The following GRIK1 variants were observed in gnomAD, a reference collection of about 807,000 sequenced individuals.
The protein encoded by GRIK1 is glutamate ionotropic receptor kainate type subunit 1, also known as glutamate receptor ionotropic, kainate 1.
GRIK1 carries 69 observed loss-of-function variants against 105.7 expected under a neutral mutation model. The observed-to-expected ratio is 0.65, with a 90% CI of 0.54 to 0.80. GRIK1 has a LOEUF of 0.80. Ranked by LOEUF, GRIK1 falls within the 30% of genes least tolerant of loss-of-function variation. The pLI, the probability that GRIK1 is intolerant of heterozygous loss-of-function variation, is 0.00. For missense variants in GRIK1, 1,109 were observed against 1,167.3 expected, an observed-to-expected ratio of 0.95 and a Z score of 0.73; for synonymous variants, 438 against 431.3, an observed-to-expected ratio of 1.02 and a Z score of -0.19.
intron 1 of GRIK1, among the ~76,000 whole-genome samples, chr21:29,744,338 T>C (rs2065000286): frequency 6.6e-6 from 1 of 152,212 alleles, no homozygotes; most frequent in South Asian, 2.1e-4. Flanking sequence ...TCCCACTCTC[T>C]AGAGATTTCT....
At chr21:29,916,664 G>C (rs1434650935) in intron 1 of GRIK1, among the ~76,000 whole-genome samples, 1 of 148,358 alleles carries the variant, frequency 6.7e-6, no homozygotes, top group Admixed American at 6.6e-5. Context: ...CAGTTCTCTT[G>C]ATAGTAATTC....
chr21:29,877,934 A>G (rs1012606133), intron 1 of GRIK1, among the ~76,000 whole-genome samples: 2 of 152,186 alleles, frequency 1.3e-5, no homozygotes, highest in African/African-American at 4.8e-5. Context: ...CAATGAAAAA[A>G]CACGATAAAA....
intron 13 of GRIK1, among the ~76,000 whole-genome samples, chr21:29,577,693 G>T (rs2090928443): frequency 6.6e-6 from 1 of 152,174 alleles, no homozygotes; most frequent in African/African-American, 2.4e-5. Context: ...ATAAGATGCA[G>T]CCATACTTGA....
intron 4 of GRIK1, among the ~76,000 whole-genome samples, chr21:29,655,990 A>C (rs2062839902): frequency 6.6e-6 from 1 of 152,168 alleles, no homozygotes; most frequent in African/African-American, 2.4e-5. Flanking sequence ...GAATAAGGAT[A>C]TTCCTTTCCT....
At chr21:29,870,227 C>T (rs1362493692) in intron 1 of GRIK1, among the ~76,000 whole-genome samples, 2 of 151,744 alleles carry the variant, frequency 1.3e-5, no homozygotes, top group Non-Finnish European at 2.9e-5. Context: ...ATATCCATTC[C>T]CTCTGTTAGA....
intron 12 of GRIK1, among the ~76,000 whole-genome samples, chr21:29,583,668 C>T (rs754918309): frequency 7.2e-5 from 11 of 152,186 alleles, no homozygotes; most frequent in Non-Finnish European, 1.3e-4. Context: ...CAATGTGATT[C>T]TGCCTGCTCT....
rs542633953 is a variant in GRIK1, at chr21:29,578,909, TAAC to T, written c.1913-1731_1913-1729del. Among the ~76,000 whole-genome samples the T allele has an allele frequency of 3.8e-3, 579 of 152,304 alleles. 3 individuals carry two copies. Among genetic ancestry groups the T allele is most frequent in the African/African-American group, 0.013 (549 of 41,580 alleles). ...TCATAAAATAGCCATAGGAAATAAATAACAATTAATAGATATATTTTTCTTAGC... is the reference window on the plus strand; with the variant it reads ...TCATAAAATAGCCATAGGAAATAAATAATTAATAGATATATTTTTCTTAGC... On this transcript the variant is annotated intron_variant, in intron 13 of 17. Transcript: ENST00000327783.
At chr21:29,693,113 C>T (rs1023323605) in intron 2 of GRIK1, among the ~76,000 whole-genome samples, 1 of 152,074 alleles carries the variant, frequency 6.6e-6, no homozygotes, top group Non-Finnish European at 1.5e-5. Context: ...AGGCAAAGAA[C>T]CCCCCCAATC....
intron 1 of GRIK1, among the ~76,000 whole-genome samples, chr21:29,902,582 A>T (rs374688797): frequency 2.0e-5 from 3 of 152,218 alleles, no homozygotes; most frequent in Admixed American, 2.0e-4. Flanking sequence ...AATACAACTT[A>T]CAAGAGATGT....
intron 1 of GRIK1, among the ~76,000 whole-genome samples, chr21:29,854,402 C>A (rs1020130829): frequency 6.6e-6 from 1 of 151,868 alleles, no homozygotes; most frequent in African/African-American, 2.4e-5. Flanking sequence ...TTGGAGGGGA[C>A]AAATATCCAA....
chr21:29,788,893 T>C, intron 1 of GRIK1, among the ~76,000 whole-genome samples: 1 of 152,096 alleles, frequency 6.6e-6, no homozygotes. Context: ...GCTCAGGTGG[T>C]AATGTGAGAA....
intron 1 of GRIK1, among the ~76,000 whole-genome samples, chr21:29,870,199 AT>A (rs1466697451): frequency 1.3e-5 from 2 of 152,136 alleles, no homozygotes; most frequent in African/African-American, 4.8e-5. Flanking sequence ...GATTACATTT[AT>A]ATATCATGTT....
chr21:29,894,372 C>T (rs1328942480), intron 1 of GRIK1, among the ~76,000 whole-genome samples: 2 of 152,062 alleles, frequency 1.3e-5, no homozygotes, highest in African/African-American at 4.8e-5. Context: ...GGTATCAGTC[C>T]AAGAGTCCAA....
Position 29,587,427 on chromosome 21 carries a change from T to A in GRIK1, c.1732A>T (p.Ile578Phe). 1 of 1,613,922 alleles carries A rather than the reference T, an allele frequency of 6.2e-7. No homozygotes were observed. The highest frequency in any genetic ancestry group is 1.3e-5 in the African/African-American group (1 of 74,998). The change falls in exon 12 of 18, where the codon ATT becomes TTT. Residue 578 changes from isoleucine (I) to phenylalanine (F), a missense_variant. Physicochemically the swap from Ile to Phe is conservative, Grantham distance 21 (BLOSUM62 0). Around this residue, in one of 5 missense-constraint regions of GRIK1, gnomAD observed 264 missense variants for 306.9 expected, o/e 0.86. Coordinates refer to ENST00000327783, the MANE Select transcript of GRIK1 (RefSeq NM_001330994.2). ...FSFLNPLSPD[I>F]WMYVLLACLG... The stretch of plus-strand genomic sequence containing the variant: ...CAGGCTAAGAGCACATACATCCAAA[T>A]ATCTGGAGACAGGGGGTTGAGGAAG...
intron 1 of GRIK1, among the ~76,000 whole-genome samples, chr21:29,725,516 G>A (rs1266566503): frequency 6.6e-6 from 1 of 152,168 alleles, no homozygotes; most frequent in Non-Finnish European, 1.5e-5. Flanking sequence ...TGTGAGGCAA[G>A]CAGCTGTTTG....
chr21:29,714,870 C>T (rs1417966342), intron 1 of GRIK1, among the ~76,000 whole-genome samples: 2 of 152,166 alleles, frequency 1.3e-5, no homozygotes, highest in Non-Finnish European at 2.9e-5. Context: ...TGAGGGCAAT[C>T]AGAGTTATGA....
chr21:29,892,320 G>A (rs957838356), intron 1 of GRIK1, among the ~76,000 whole-genome samples: 2 of 152,246 alleles, frequency 1.3e-5, no homozygotes, highest in African/African-American at 2.4e-5. Context: ...GGTAAAGGAA[G>A]GAGGTGGCAT....
chr21:29,823,917 A>G (rs183626709), intron 1 of GRIK1, among the ~76,000 whole-genome samples: 1 of 152,084 alleles, frequency 6.6e-6, no homozygotes, highest in African/African-American at 2.4e-5. Context: ...GGAATAAAGT[A>G]GTATTTTTAG....
chr21:29,926,943 T>C (rs2146343829), intron 1 of GRIK1, among the ~76,000 whole-genome samples: 1 of 152,316 alleles, frequency 6.6e-6, no homozygotes, highest in East Asian at 1.9e-4. Flanking sequence ...TCGAGGTTAA[T>C]TGGAGCCTGG....
Sources: gnomAD v4.1 joint callset for allele counts (sites outside exome capture counted in the v4.1 genomes callset) on GRCh38, gnomAD v4.1.1 for gene constraint, gnomAD v4.1.1 regional missense constraint, MANE v1.5 for transcripts, NCBI Gene and HGNC (gene_info 2026-07-23, HGNC 2026-07-21) for gene names.